ABTB3: variants seen among roughly 807,000 people sequenced by gnomAD.
ABTB3 encodes ankyrin repeat and BTB domain containing 3.
the ABTB3 span, among the ~76,000 whole-genome samples, chr12:107,542,706 G>T: frequency 6.6e-6 from 1 of 152,076 alleles, no homozygotes; most frequent in Non-Finnish European, 1.5e-5. Context: ...AGCCTTACTG[G>T]TAACATAAAC....
the ABTB3 span, among the ~76,000 whole-genome samples, chr12:107,446,175 A>G: frequency 3.3e-5 from 5 of 152,078 alleles, no homozygotes; most frequent in Middle Eastern, 3.2e-3. Flanking sequence ...AAGGTATAGT[A>G]AACACGGCGC....
chr12:107,346,968 A>T, the ABTB3 span, among the ~76,000 whole-genome samples: 1 of 152,192 alleles, frequency 6.6e-6, no homozygotes, highest in Admixed American at 6.5e-5. Context: ...TGATGTTTTT[A>T]CAGTGACTGT....
the ABTB3 span, among the ~76,000 whole-genome samples, chr12:107,492,787 T>C: frequency 1.3e-5 from 2 of 152,160 alleles, no homozygotes; most frequent in East Asian, 3.9e-4. Context: ...CCAGCATGTT[T>C]AGGGGACAGC....
At chr12:107,424,283 G>A in the ABTB3 span, among the ~76,000 whole-genome samples, 3 of 152,142 alleles carry the variant, frequency 2.0e-5, no homozygotes, top group South Asian at 2.1e-4. Context: ...TTGGAAATTC[G>A]AAGTGTTTAC....
the ABTB3 span, among the ~76,000 whole-genome samples, chr12:107,589,241 A>C: frequency 2.6e-5 from 4 of 152,354 alleles, no homozygotes; most frequent in Middle Eastern, 3.4e-3. Context: ...GGTTGCCAAA[A>C]ACAATAGCCT....
the ABTB3 span, among the ~76,000 whole-genome samples, chr12:107,575,234 A>G: frequency 6.6e-6 from 1 of 152,218 alleles, no homozygotes; most frequent in Non-Finnish European, 1.5e-5. Context: ...GTTTGCATCT[A>G]TTTGTAAAGA....
chr12:107,430,197 A>G, the ABTB3 span, among the ~76,000 whole-genome samples: 1 of 152,148 alleles, frequency 6.6e-6, no homozygotes, highest in South Asian at 2.1e-4. Flanking sequence ...CTTATATTCC[A>G]TCTCTCTCCT....
the ABTB3 span, among the ~76,000 whole-genome samples, chr12:107,539,434 TCC>T: frequency 6.6e-6 from 1 of 152,026 alleles, no homozygotes; most frequent in African/African-American, 2.4e-5. Flanking sequence ...TTTTTTTTCT[TCC>T]TCCCAGGGAG....
At chr12:107,624,980 C>A in the ABTB3 span, among the ~76,000 whole-genome samples, 2 of 152,162 alleles carry the variant, frequency 1.3e-5, no homozygotes, top group African/African-American at 4.8e-5. Context: ...TTGCTCCATA[C>A]CCTCACTGTT....
At chr12:107,649,468 C>T in the ABTB3 span, 17 of 574,354 alleles carry the variant, frequency 3.0e-5, no homozygotes, top group Non-Finnish European at 5.0e-5. Flanking sequence ...TCATCAGAGA[C>T]CTTCCCTGGC....
the ABTB3 span, chr12:107,612,649 C>G: frequency 9.9e-6 from 9 of 912,630 alleles, no homozygotes; most frequent in Admixed American, 2.3e-5. Flanking sequence ...CAGGGCTGCA[C>G]GTTTATTTTT....
chr12:107,474,860 G>A, the ABTB3 span, among the ~76,000 whole-genome samples: 1 of 152,162 alleles, frequency 6.6e-6, no homozygotes, highest in South Asian at 2.1e-4. Flanking sequence ...GGCTTAAGGA[G>A]CAGACAGTGC....
At chr12:107,637,825 TGTGTGTGTGG>T in the ABTB3 span, among the ~76,000 whole-genome samples, 1 of 117,460 alleles carries the variant, frequency 8.5e-6, no homozygotes, top group Non-Finnish European at 1.9e-5. Flanking sequence ...TGTGTGTGTG[TGTGTGTGTGG>T]TATGGTGTCC....
chr12:107,578,383 C>CTTCTTTTTTT, the ABTB3 span, among the ~76,000 whole-genome samples: 1 of 57,196 alleles, frequency 1.7e-5, no homozygotes, highest in South Asian at 9.4e-4. Context: ...CTTTCTTCTT[C>CTTCTTTTTTT]TTTTTTTTTT....
chr12:107,459,618 G>A, the ABTB3 span, among the ~76,000 whole-genome samples: 4 of 152,364 alleles, frequency 2.6e-5, no homozygotes, highest in South Asian at 8.3e-4. Context: ...GCCCTTCTGG[G>A]GGAAGAATAT....
the ABTB3 span, among the ~76,000 whole-genome samples, chr12:107,657,042 C>CA: frequency 2.5e-4 from 35 of 142,516 alleles, no homozygotes; most frequent in South Asian, 1.1e-3. Context: ...AACCCTGTCT[C>CA]AAAAAAAACA....
chr12:107,463,825 C>A, the ABTB3 span, among the ~76,000 whole-genome samples: 11 of 152,196 alleles, frequency 7.2e-5, no homozygotes, highest in African/African-American at 2.4e-4. Context: ...TGTTAGGAAG[C>A]CTCAACCAGC....
the ABTB3 span, among the ~76,000 whole-genome samples, chr12:107,417,221 C>G: frequency 6.6e-6 from 1 of 152,094 alleles, no homozygotes; most frequent in South Asian, 2.1e-4. Context: ...CAAACAGAAC[C>G]ACGTCTGCCA....
At chr12:107,494,275 T>C in the ABTB3 span, among the ~76,000 whole-genome samples, 1 of 152,072 alleles carries the variant, frequency 6.6e-6, no homozygotes, top group South Asian at 2.1e-4. Flanking sequence ...CAAGCTAGGA[T>C]CTGGGCCTAT....
Sources: gnomAD v4.1 joint callset for allele counts (sites outside exome capture counted in the v4.1 genomes callset) on GRCh38, gnomAD v4.1.1 for gene constraint, MANE v1.5 for transcripts, NCBI Gene and HGNC (gene_info 2026-07-23, HGNC 2026-07-21) for gene names.